SNIP1: variants seen among roughly 807,000 people sequenced by gnomAD.
SNIP1 encodes the protein Smad nuclear interacting protein 1.
SNIP1 carries 23 observed loss-of-function variants against 37.4 expected under a neutral mutation model. The observed-to-expected ratio is 0.61, with a 90% CI of 0.44 to 0.87. The LOEUF is 0.87. SNIP1 is among the 40% of genes least tolerant of loss of function. The probability of loss-of-function intolerance (pLI) is 0.00; values close to 1 mark genes in which losing one functional copy is unlikely to be tolerated. For synonymous variants in SNIP1, 174 were observed against 200.0 expected (o/e 0.87, Z 1.10); for missense variants, 459 against 540.4 (o/e 0.85, Z 1.49).
chr1:37,554,269 A>C lies in SNIP1; in HGVS notation c.-40T>G. 6.5e-7 allele frequency: 1 copy of C among 1,532,450 alleles called. No individual in the cohort carries two copies. The highest frequency in any genetic ancestry group is 8.8e-7 in the Non-Finnish European group (1 of 1,135,694). 94.9% of individuals were successfully genotyped at this position (1,532,450 alleles called of 1,614,324 possible). Reference sequence around the variant, plus strand: ...TGGGCGAAAGAAAACAGATCAGTTGAGCTCCTCTAGCTGGAGGAAATGACG... The same window carrying C: ...TGGGCGAAAGAAAACAGATCAGTTGCGCTCCTCTAGCTGGAGGAAATGACG... On this transcript the variant is annotated 5_prime_UTR_variant, in exon 1 of 4. Coordinates refer to ENST00000296215, the MANE Select transcript of SNIP1 (RefSeq NM_024700.4).
intron 2 of SNIP1, chr1:37,544,696 T>C (rs1057317494): frequency 3.4e-6 from 2 of 584,428 alleles, no homozygotes; most frequent in Non-Finnish European, 6.4e-6. Context: ...CCTCTGACTG[T>C]CCCAAGGCCC....
chr1:37,550,015 T>G (rs963011442), intron 2 of SNIP1, among the ~76,000 whole-genome samples: 1 of 152,096 alleles, frequency 6.6e-6, no homozygotes, highest in Non-Finnish European at 1.5e-5. Flanking sequence ...ACAAATGGTG[T>G]TGATGCAAGT....
chr1:37,545,356 G>A (rs544290612), intron 2 of SNIP1: 6 of 533,612 alleles, frequency 1.1e-5, no homozygotes, highest in African/African-American at 3.8e-5. Context: ...CACCAAGGCA[G>A]TGCATGCATG....
At chr1:37,548,371 A>C (rs1305903340) in intron 2 of SNIP1, among the ~76,000 whole-genome samples, 1 of 151,248 alleles carries the variant, frequency 6.6e-6, no homozygotes, top group Non-Finnish European at 1.5e-5. Flanking sequence ...GCTGGAGTGC[A>C]GTGGTGCGAT....
chr1:37,548,913 G>C (rs1366237036), intron 2 of SNIP1: 2 of 152,552 alleles, frequency 1.3e-5, no homozygotes, highest in Non-Finnish European at 2.9e-5. Flanking sequence ...ATGTGGAACT[G>C]TAAGTCCATT....
chr1:37,552,764 A>G lies in SNIP1; in HGVS notation c.225-17T>C. 1.2e-6 allele frequency: 2 copies of G among 1,604,020 alleles called. No homozygotes were observed. The highest frequency in any genetic ancestry group is 1.7e-6 in the Non-Finnish European group (2 of 1,171,010). ...GGTGGGGACCTATTCAGAGCATGGT[A>G]CACAGGATTTTATCGCAATTTCCCT... On this transcript the variant is annotated splice_polypyrimidine_tract_variant and intron_variant, in intron 1 of 3. Coordinates refer to ENST00000296215, the MANE Select transcript of SNIP1 (RefSeq NM_024700.4).
chr1:37,540,739 G>A lies in SNIP1; in HGVS notation c.344C>T (p.Pro115Leu), dbSNP rs201599338. ...VKVKQEREDH[P>L]RRGREDRQHR... ...CTGCCGATCCTCCCGTCCTCTCCGGGGATGATCCTCACGCTCCTAAAATTC... is the reference window on the plus strand; with the variant it reads ...CTGCCGATCCTCCCGTCCTCTCCGGAGATGATCCTCACGCTCCTAAAATTC... The change falls in exon 3 of 4, where the codon CCC becomes CTC. Residue 115 changes from proline to leucine, a missense_variant. Transcript: ENST00000296215. This position sits in a 1 kb window ranked among gnomAD's most constrained non-coding sequence, Gnocchi z 5.6. The A allele has an allele frequency of 6.2e-7, 1 of 1,601,080 alleles. No individual in the cohort carries two copies. Among genetic ancestry groups the A allele is most frequent in the East Asian group, 2.2e-5 (1 of 44,614 alleles).
At chr1:37,538,247 G>T (rs1557624070) in intron 3 of SNIP1, among the ~76,000 whole-genome samples, 1 of 152,102 alleles carries the variant, frequency 6.6e-6, no homozygotes, top group East Asian at 1.9e-4. Flanking sequence ...GGTGGCTCAC[G>T]CCTGTAATCC....
At chr1:37,547,133 G>A (rs987227764) in intron 2 of SNIP1, among the ~76,000 whole-genome samples, 12 of 152,094 alleles carry the variant, frequency 7.9e-5, no homozygotes, top group African/African-American at 1.2e-4. Context: ...TTATCTCTCC[G>A]TTATTTAGAA....
chr1:37,553,380 A>G (rs528339125), intron 1 of SNIP1, among the ~76,000 whole-genome samples: 32 of 152,274 alleles, frequency 2.1e-4, no homozygotes, highest in African/African-American at 6.3e-4. Flanking sequence ...TAATCTATCA[A>G]TAATACTTGT....
chr1:37,541,252 TAAGA>T, intron 2 of SNIP1: 1 of 152,490 alleles, frequency 6.6e-6, no homozygotes, highest in South Asian at 2.1e-4. Context: ...GAAATAAACT[TAAGA>T]AACATGAAAG....
intron 2 of SNIP1, among the ~76,000 whole-genome samples, chr1:37,542,153 T>G (rs1000590025): frequency 6.6e-6 from 1 of 152,162 alleles, no homozygotes; most frequent in Admixed American, 6.6e-5. Context: ...AAAGGTTACT[T>G]GAATCCAAGC....
chr1:37,537,894 A>G lies in SNIP1; in HGVS notation c.1045T>C (p.Tyr349His), dbSNP rs368571136. 1.2e-6 allele frequency: 2 copies of G among 1,614,184 alleles called. No homozygotes were observed. Among genetic ancestry groups the G allele is most frequent in the Non-Finnish European group, 1.7e-6 (2 of 1,180,040 alleles). Residue 349 changes from tyrosine (Y) to histidine (H), a missense_variant, in exon 4 of 4, where the codon TAC becomes CAC. Transcript: ENST00000296215. ...ACATCCTTTTCTTTTAGTTCATAGTATCTCTGTGGCTCAATACGTTTGTTG... is the reference window on the plus strand; with the variant it reads ...ACATCCTTTTCTTTTAGTTCATAGTGTCTCTGTGGCTCAATACGTTTGTTG... ...LNNKRIEPQRYYELKEKDVLK... is the reference protein window; with the variant it reads ...LNNKRIEPQRHYELKEKDVLK...
intron 1 of SNIP1, among the ~76,000 whole-genome samples, chr1:37,553,081 A>G (rs1643321468): frequency 6.6e-6 from 1 of 152,050 alleles, no homozygotes; most frequent in Non-Finnish European, 1.5e-5. Context: ...CTTCACTACC[A>G]ACACCCCTAC....
At chr1:37,553,219 C>T (rs573226017) in intron 1 of SNIP1, among the ~76,000 whole-genome samples, 8 of 152,248 alleles carry the variant, frequency 5.3e-5, no homozygotes, top group Admixed American at 2.6e-4. Context: ...ATAATTCATT[C>T]TACTTCAGGT....
chr1:37,542,454 A>G (rs1404521629), intron 2 of SNIP1, among the ~76,000 whole-genome samples: 1 of 152,262 alleles, frequency 6.6e-6, no homozygotes, highest in Non-Finnish European at 1.5e-5. Context: ...AGAAACTGAT[A>G]AATGGTCAGG....
At chr1:37,553,286 C>T (rs1330174191) in intron 1 of SNIP1, among the ~76,000 whole-genome samples, 1 of 152,204 alleles carries the variant, frequency 6.6e-6, no homozygotes, top group African/African-American at 2.4e-5. Flanking sequence ...TCATTCTTAT[C>T]AGTCAGGTCT....
chr1:37,550,260 C>T (rs1410671962), intron 2 of SNIP1, among the ~76,000 whole-genome samples: 1 of 152,154 alleles, frequency 6.6e-6, no homozygotes, highest in African/African-American at 2.4e-5. Flanking sequence ...AAAACTTTTG[C>T]TCTGAGATAA....
intron 2 of SNIP1, among the ~76,000 whole-genome samples, chr1:37,551,811 G>A (rs1643304989): frequency 6.6e-6 from 1 of 152,076 alleles, no homozygotes; most frequent in Non-Finnish European, 1.5e-5. Flanking sequence ...AGCCACTCTG[G>A]AAAACAGTCT....
Sources: allele counts gnomAD v4.1 joint callset (sites outside exome capture counted in the v4.1 genomes callset), GRCh38; gene constraint gnomAD v4.1.1; non-coding constraint Gnocchi (gnomAD v3.1); transcripts MANE v1.5; gene names NCBI Gene and HGNC (gene_info 2026-07-23, HGNC 2026-07-21).